Variants in WWOX observed in about 807,000 individuals in gnomAD.
The protein encoded by WWOX is WW domain-containing oxidoreductase.
A neutral mutation model predicts 46.2 loss-of-function variants in WWOX; 69 were observed. The observed-to-expected ratio is 1.49, with a 90% CI of 1.23 to 1.82. The LOEUF (loss-of-function observed/expected upper bound fraction) is 1.82. Ranked by LOEUF, WWOX falls within the 40% of genes most tolerant of loss-of-function variation. The pLI is 0.00. For missense variants in WWOX, 919 were observed against 542.6 expected, an observed-to-expected ratio of 1.69 and a Z score of -6.89; for synonymous variants, 359 against 202.6, an observed-to-expected ratio of 1.77 and a Z score of -6.56.
intron 8 of WWOX, among the ~76,000 whole-genome samples, chr16:79,063,622 C>T (rs2048392172): frequency 6.6e-6 from 1 of 152,210 alleles, no homozygotes; most frequent in Admixed American, 6.5e-5. Flanking sequence ...TTTAAGCCAT[C>T]ACTAGAAACA....
At chr16:79,054,777 G>C (rs1320735093) in intron 8 of WWOX, among the ~76,000 whole-genome samples, 1 of 152,148 alleles carries the variant, frequency 6.6e-6, no homozygotes, top group Non-Finnish European at 1.5e-5. Context: ...TGTGAACTGT[G>C]ATCACACCAC....
intron 8 of WWOX, among the ~76,000 whole-genome samples, chr16:78,485,686 C>G (rs776058472): frequency 6.6e-5 from 10 of 152,206 alleles, no homozygotes; most frequent in Non-Finnish European, 1.5e-4. Context: ...AATTGTGCTT[C>G]TGATTTGGGG....
At chr16:79,027,813 G>A (rs1011282525) in intron 8 of WWOX, among the ~76,000 whole-genome samples, 1 of 151,732 alleles carries the variant, frequency 6.6e-6, no homozygotes, top group Non-Finnish European at 1.5e-5. Context: ...GATGGTTTTT[G>A]TGGTTGCCTA....
At chr16:78,972,905 G>C (rs1229420123) in intron 8 of WWOX, among the ~76,000 whole-genome samples, 1 of 152,152 alleles carries the variant, frequency 6.6e-6, no homozygotes, top group Non-Finnish European at 1.5e-5. Context: ...CATTTTATTA[G>C]CGCTGGAGCC....
intron 8 of WWOX, among the ~76,000 whole-genome samples, chr16:78,881,461 G>A (rs901067425): frequency 6.6e-6 from 1 of 152,206 alleles, no homozygotes; most frequent in African/African-American, 2.4e-5. Context: ...GAGAATAAAA[G>A]TTTCCAATGC....
chr16:78,421,264 C>T (rs938234341), intron 6 of WWOX, among the ~76,000 whole-genome samples: 6 of 152,134 alleles, frequency 3.9e-5, no homozygotes, highest in Non-Finnish European at 7.4e-5. Context: ...GCGTTGGCTC[C>T]TTCTGGAGGC....
intron 8 of WWOX, among the ~76,000 whole-genome samples, chr16:79,165,582 C>T (rs1401128669): frequency 1.3e-5 from 2 of 152,124 alleles, no homozygotes; most frequent in East Asian, 3.9e-4. Flanking sequence ...TATTCTGTTC[C>T]CTCTTTGCTA....
intron 8 of WWOX, among the ~76,000 whole-genome samples, chr16:78,469,075 C>G (rs1157436906): frequency 6.6e-6 from 1 of 152,140 alleles, no homozygotes; most frequent in Non-Finnish European, 1.5e-5. Flanking sequence ...TTTTGCTGGC[C>G]TTACTCGTTT....
intron 8 of WWOX, among the ~76,000 whole-genome samples, chr16:78,689,850 G>GT (rs1209411057): frequency 6.6e-6 from 1 of 151,868 alleles, no homozygotes; most frequent in East Asian, 1.9e-4. Flanking sequence ...AGGTAACTTT[G>GT]TTTTTTGTTT....
At chr16:78,992,590 A>G (rs1240520339) in intron 8 of WWOX, among the ~76,000 whole-genome samples, 2 of 152,198 alleles carry the variant, frequency 1.3e-5, no homozygotes, top group Admixed American at 1.3e-4. Flanking sequence ...CTCTCTCAGA[A>G]TGAAAGGTTT....
intron 5 of WWOX, among the ~76,000 whole-genome samples, chr16:78,365,443 A>G (rs2151916587): frequency 6.6e-6 from 1 of 152,354 alleles, no homozygotes; most frequent in South Asian, 2.1e-4. Context: ...CATCCCACCA[A>G]TAAACTGTGG....
chr16:78,737,751 T>TTTC (rs1329171985), intron 8 of WWOX, among the ~76,000 whole-genome samples: 1 of 152,234 alleles, frequency 6.6e-6, no homozygotes, highest in East Asian at 1.9e-4. Flanking sequence ...GTCCCATTTT[T>TTTC]TTCTTCCTCA....
intron 8 of WWOX, among the ~76,000 whole-genome samples, chr16:78,963,845 C>T (rs945543434): frequency 1.2e-4 from 18 of 152,170 alleles, no homozygotes; most frequent in African/African-American, 4.1e-4. Context: ...AGAATTCCCA[C>T]GTGTTGTGGG....
At chr16:79,051,811 A>G (rs1284594598) in intron 8 of WWOX, among the ~76,000 whole-genome samples, 1 of 152,220 alleles carries the variant, frequency 6.6e-6, no homozygotes, top group Non-Finnish European at 1.5e-5. Flanking sequence ...ATTCTTAAAT[A>G]TCTGCTAGCT....
At chr16:78,513,704 T>C (rs1260669523) in intron 8 of WWOX, among the ~76,000 whole-genome samples, 2 of 152,174 alleles carry the variant, frequency 1.3e-5, no homozygotes, top group African/African-American at 4.8e-5. Context: ...ATTTGAGAAA[T>C]ACAATACTTA....
intron 8 of WWOX, chr16:78,551,696 A>G (rs2044177190): frequency 7.0e-6 from 1 of 142,380 alleles, no homozygotes. Context: ...AGGCAGGCTG[A>G]GGAGCGCTTA....
chr16:78,101,778 A>G (rs771578604), intron 1 of WWOX, among the ~76,000 whole-genome samples: 20 of 152,214 alleles, frequency 1.3e-4, no homozygotes, highest in Non-Finnish European at 2.8e-4. Context: ...GAGTTCATTC[A>G]AGACACACAC....
chr16:78,962,424 C>T (rs969664894), intron 8 of WWOX, among the ~76,000 whole-genome samples: 1 of 144,106 alleles, frequency 6.9e-6, no homozygotes, highest in East Asian at 2.1e-4. Flanking sequence ...TTTACACATT[C>T]ATAATTTCCT....
At chr16:78,870,908 A>G (rs2044113897) in intron 8 of WWOX, among the ~76,000 whole-genome samples, 1 of 152,152 alleles carries the variant, frequency 6.6e-6, no homozygotes, top group East Asian at 1.9e-4. Context: ...GGCCTAATCT[A>G]ATCAGTTCCT....
Sources: allele counts gnomAD v4.1 joint callset (sites outside exome capture counted in the v4.1 genomes callset), GRCh38; gene constraint gnomAD v4.1.1; transcripts MANE v1.5; gene names NCBI Gene and HGNC (gene_info 2026-07-23, HGNC 2026-07-21).